The following CABLES1 variants were observed in gnomAD, a reference collection of about 807,000 sequenced individuals.
CABLES1 encodes the protein CDK5 and ABL1 enzyme substrate 1.
Under a neutral mutation model 57.8 loss-of-function variants are expected in CABLES1, and 36 were observed. The observed-to-expected ratio is 0.62, with a 90% CI of 0.48 to 0.82. CABLES1 has a LOEUF of 0.82. Among genes scored for constraint, CABLES1 ranks in the 40% least tolerant of loss-of-function variants. The pLI, the probability that CABLES1 is intolerant of heterozygous loss-of-function variation, is 0.00. For synonymous variants in CABLES1, 374 were observed against 363.0 expected, an observed-to-expected ratio of 1.03 and a Z score of -0.35; for missense variants, 767 against 836.6, an observed-to-expected ratio of 0.92 and a Z score of 1.03.
intron 1 of CABLES1, among the ~76,000 whole-genome samples, chr18:23,137,908 C>A (rs1016541035): frequency 6.6e-6 from 1 of 152,156 alleles, no homozygotes; most frequent in African/African-American, 2.4e-5. Context: ...AGGTGACAGC[C>A]CTACTCCAGT....
chr18:23,217,841 A>G (rs1249162285), intron 4 of CABLES1, among the ~76,000 whole-genome samples: 1 of 152,250 alleles, frequency 6.6e-6, no homozygotes, highest in Non-Finnish European at 1.5e-5. Context: ...AAGTCATAGA[A>G]TTTCAGGGGT....
chr18:23,249,832 G>C (rs1376305844), intron 7 of CABLES1, among the ~76,000 whole-genome samples: 2 of 152,116 alleles, frequency 1.3e-5, no homozygotes, highest in African/African-American at 4.8e-5. Context: ...GAGCTACTCT[G>C]TGCTGCTTAT....
intron 7 of CABLES1, among the ~76,000 whole-genome samples, chr18:23,247,480 T>TG: frequency 6.6e-6 from 1 of 152,220 alleles, no homozygotes. Flanking sequence ...AGTGCCACTT[T>TG]GGGGGTTGCC....
Position 23,252,990 on chromosome 18 carries a change from G to C in CABLES1, c.1477G>C (p.Asp493His). Residue 493 changes from aspartate (D) to histidine (H), a missense_variant, in exon 8 of 10, where the codon GAT becomes CAT. By Grantham distance (81) the Asp-to-His change is moderately conservative. Around this residue, in one of 4 missense-constraint regions of CABLES1, gnomAD observed 529 missense variants for 622.8 expected, o/e 0.85. Transcript: ENST00000256925. ...AGTGATTGACTACGTGAAGCCCTCG[G>C]ATCTCAAGAAGGACATGAACGAGAC... ...TTVIDYVKPS[D>H]LKKDMNETFK... 2.5e-6 allele frequency: 4 copies of C among 1,613,552 alleles called. No individual in the cohort carries two copies. The highest frequency in any genetic ancestry group is 3.4e-6 in the Non-Finnish European group (4 of 1,179,570).
At chr18:23,192,447 A>G (rs58507471) in intron 2 of CABLES1, among the ~76,000 whole-genome samples, 23,543 of 152,072 alleles carry the variant, frequency 0.15, 2,731 homozygotes, top group African/African-American at 0.28. Context: ...GCAGAGAGCA[A>G]CTCAGGCCAT....
intron 1 of CABLES1, chr18:23,155,965 A>T: frequency 6.2e-7 from 1 of 1,614,146 alleles, no homozygotes; most frequent in Non-Finnish European, 8.5e-7. Flanking sequence ...AAGTTGTCAG[A>T]GGATCGCCTG....
chr18:23,207,996 C>T (rs918352491), intron 3 of CABLES1, among the ~76,000 whole-genome samples: 1 of 152,138 alleles, frequency 6.6e-6, no homozygotes, highest in African/African-American at 2.4e-5. Context: ...TCCCTGGCTC[C>T]AGATGCCCTG....
intron 4 of CABLES1, 114 bp downstream of exon 4, chr18:23,214,168 A>G (rs540445079): frequency 2.9e-6 from 2 of 683,502 alleles, no homozygotes; most frequent in South Asian, 1.8e-5. Context: ...TGATACTGCA[A>G]ATTCAGTATT....
rs545638338 is a variant in CABLES1, at chr18:23,194,319, C to G, written c.918-129C>G. On this transcript the variant is annotated intron_variant, in intron 2 of 9. Transcript: ENST00000256925. ...CCAGCCGTGTTGTCTTCATTATCCT[C>G]GCGGACTCCTGCCTGCTTTGGGGTG... The G allele has an allele frequency of 4.3e-4, 261 of 603,674 alleles. 5 individuals carry two copies. The Middle Eastern group carries it at 8.3e-3, about 19-fold the overall frequency. 37.4% of individuals were successfully genotyped at this position (603,674 alleles called of 1,614,324 possible). A position where few individuals can be genotyped will look rare whatever the true frequency, so the allele number is the denominator to read the frequency against.
At chr18:23,253,661 G>T in intron 8 of CABLES1, 68 bp from the exon 9 acceptor site, 1 of 1,281,220 alleles carries the variant, frequency 7.8e-7, no homozygotes, top group East Asian at 2.4e-5. Context: ...TCAAGATGGG[G>T]GAGTTTTTCT....
chr18:23,181,008 G>C (rs559713599), intron 1 of CABLES1, among the ~76,000 whole-genome samples: 3 of 152,282 alleles, frequency 2.0e-5, no homozygotes, highest in Non-Finnish European at 2.9e-5. Flanking sequence ...GCTCCTTGAG[G>C]CTTGGTGACT....
At chr18:23,252,412 A>G (rs1348635259) in intron 7 of CABLES1, among the ~76,000 whole-genome samples, 2 of 152,234 alleles carry the variant, frequency 1.3e-5, no homozygotes, top group African/African-American at 4.8e-5. Flanking sequence ...CTAAAAGAAC[A>G]TTAGCTAACA....
chr18:23,140,322 T>C (rs1175350039), intron 1 of CABLES1, among the ~76,000 whole-genome samples: 1 of 152,226 alleles, frequency 6.6e-6, no homozygotes, highest in Non-Finnish European at 1.5e-5. Flanking sequence ...TCCCGGAGAT[T>C]CTGGCTAGCG....
Position 23,237,250 on chromosome 18 carries a change from G to T in CABLES1, c.1446+5G>T. 1 of 1,588,926 alleles carries T rather than the reference G, an allele frequency of 6.3e-7. No homozygotes were observed. The highest frequency in any genetic ancestry group is 8.6e-7 in the Non-Finnish European group (1 of 1,157,002). On this transcript the variant is annotated splice_donor_5th_base_variant and intron_variant, in intron 7 of 9. Transcript: ENST00000256925. ...CTGATCTTCCCTTCCTACATGGTGAGTAGCGTGGAATGGAGGCTCCGTTTG... is the reference window on the plus strand; with the variant it reads ...CTGATCTTCCCTTCCTACATGGTGATTAGCGTGGAATGGAGGCTCCGTTTG...
intron 1 of CABLES1, among the ~76,000 whole-genome samples, chr18:23,155,071 C>G (rs2046956858): frequency 6.6e-6 from 1 of 152,092 alleles, no homozygotes; most frequent in Non-Finnish European, 1.5e-5. Context: ...TATTTCAATC[C>G]AGTACTCTGT....
chr18:23,162,496 G>C (rs2047012339), intron 1 of CABLES1, among the ~76,000 whole-genome samples: 1 of 152,202 alleles, frequency 6.6e-6, no homozygotes, highest in Non-Finnish European at 1.5e-5. Flanking sequence ...ATGTGCAAGG[G>C]GGTGAGTATA....
intron 1 of CABLES1, among the ~76,000 whole-genome samples, chr18:23,147,804 G>A (rs2046900936): frequency 6.6e-6 from 1 of 152,116 alleles, no homozygotes; most frequent in South Asian, 2.1e-4. Flanking sequence ...AACCGGTTTT[G>A]CCCACACCCA....
At chr18:23,242,092 G>A (rs943927405) in intron 7 of CABLES1, among the ~76,000 whole-genome samples, 40 of 152,194 alleles carry the variant, frequency 2.6e-4, no homozygotes, top group Admixed American at 9.2e-4. Flanking sequence ...CCTGACCAAC[G>A]TGGTGAAACA....
intron 1 of CABLES1, among the ~76,000 whole-genome samples, chr18:23,140,327 C>G (rs2046849609): frequency 6.6e-6 from 1 of 152,212 alleles, no homozygotes; most frequent in Non-Finnish European, 1.5e-5. Flanking sequence ...GAGATTCTGG[C>G]TAGCGGACAG....
Sources: allele counts gnomAD v4.1 joint callset (sites outside exome capture counted in the v4.1 genomes callset), GRCh38; gene constraint gnomAD v4.1.1; regional missense constraint gnomAD v4.1.1; transcripts MANE v1.5; gene names NCBI Gene and HGNC (gene_info 2026-07-23, HGNC 2026-07-21).